Variants in MORC3 observed in about 807,000 individuals in gnomAD.
MORC3 encodes MORC family CW-type zinc finger protein 3.
Under a neutral mutation model 109.1 loss-of-function variants are expected in MORC3, and 31 were observed. The observed-to-expected ratio is 0.28, with a 90% confidence interval of 0.21 to 0.38. The LOEUF is 0.38. Among genes scored for constraint, MORC3 ranks in the 10% least tolerant of loss-of-function variants. MORC3 has a pLI of 1.00. For missense variants in MORC3, 867 were observed against 1,135.8 expected (o/e 0.76, Z 3.40); for synonymous variants, 395 against 380.7 (o/e 1.04, Z -0.44).
intron 15 of MORC3, among the ~76,000 whole-genome samples, chr21:36,370,245 A>T (rs1383464936): frequency 6.6e-6 from 1 of 152,110 alleles, no homozygotes; most frequent in Non-Finnish European, 1.5e-5. Flanking sequence ...GAATGCTTTC[A>T]CTTAAAAATA....
rs1439738351 is a variant in MORC3, at chr21:36,337,961, G to T, written c.460+15G>T. On this transcript the variant is annotated intron_variant, in intron 4 of 16. Coordinates refer to ENST00000400485, the MANE Select transcript of MORC3 (RefSeq NM_015358.3). ...CAACAAGCACCATATCCTTTTGGTT[G>T]TGAAATAAAAGCTGTGGAGAAACTG... The T allele has an allele frequency of 6.2e-7, 1 of 1,608,454 alleles. No individual in the cohort carries two copies. Among genetic ancestry groups the T allele is most frequent in the African/African-American group, 1.3e-5 (1 of 74,730 alleles).
chr21:36,375,218 A>G lies in MORC3; in HGVS notation c.2742A>G (p.Gln914=). The stretch of plus-strand genomic sequence containing the variant: ...TTGTGCCTGATCTTGATCTTCAGCA[A>G]GTGAATTACGATGTTGATGTAGTTG... ...AMIVPDLDLQ[Q]VNYDVDVVDE... is the part of the protein sequence containing the mutation. The change falls in exon 17 of 17, where the codon CAA becomes CAG. Residue 914 remains glutamine (Q), a synonymous_variant. Coordinates refer to ENST00000400485, the MANE Select transcript of MORC3 (RefSeq NM_015358.3). 2 of 1,613,960 alleles carry G rather than the reference A, an allele frequency of 1.2e-6. No homozygotes were observed. The highest frequency in any genetic ancestry group is 1.7e-6 in the Non-Finnish European group (2 of 1,179,862).
chr21:36,361,878 C>T, intron 12 of MORC3: 2 of 330,864 alleles, frequency 6.0e-6, no homozygotes, highest in Non-Finnish European at 5.5e-6. Context: ...GACTCCCTCT[C>T]AAAAGAAAAA....
chr21:36,375,109 G>C, intron 16 of MORC3, 34 bp from the exon 17 acceptor site: 2 of 1,578,422 alleles, frequency 1.3e-6, no homozygotes, highest in Non-Finnish European at 1.7e-6. Flanking sequence ...AACTTGTAAT[G>C]CTCATCTAAT....
chr21:36,374,991 T>A, intron 16 of MORC3, 152 bp from the exon 17 acceptor site: 2 of 692,192 alleles, frequency 2.9e-6, no homozygotes, highest in Non-Finnish European at 4.5e-6. Flanking sequence ...ATTATTAAAG[T>A]AAATTGAGTT....
intron 9 of MORC3, among the ~76,000 whole-genome samples, chr21:36,350,024 G>C (rs563729945): frequency 6.6e-6 from 1 of 152,188 alleles, no homozygotes; most frequent in African/African-American, 2.4e-5. Flanking sequence ...AAAAAAGTCA[G>C]CCAGGTGCAG....
At chr21:36,360,385 G>C (rs2085699688) in intron 12 of MORC3, 127 bp downstream of exon 12, 1 of 941,902 alleles carries the variant, frequency 1.1e-6, no homozygotes, top group Non-Finnish European at 1.6e-6. Context: ...AATGTGGAGT[G>C]CGTAATATCA....
In MORC3 at chr21:36,337,889, T is replaced by C; in HGVS notation, c.403T>C (p.Leu135=). The C allele has an allele frequency of 6.2e-7, 1 of 1,614,172 alleles. No individual in the cohort carries two copies. The highest frequency in any genetic ancestry group is 1.3e-5 in the African/African-American group (1 of 75,044). The part of the protein sequence containing the change: ...MSVGLLSQTY[L]EVIKAEHVVV... ...CGTGGGCCTTTTGTCTCAGACCTAC[T>C]TGGAAGTCATAAAAGCGGAGCATGT... is the stretch of plus-strand genomic sequence containing the variant. The change falls in exon 4 of 17, where the codon TTG becomes CTG. Residue 135 remains leucine, a synonymous_variant. Coordinates refer to ENST00000400485, the MANE Select transcript of MORC3 (RefSeq NM_015358.3).
At chr21:36,333,253 G>C (rs2085335775) in intron 1 of MORC3, among the ~76,000 whole-genome samples, 1 of 152,200 alleles carries the variant, frequency 6.6e-6, no homozygotes, top group South Asian at 2.1e-4. Flanking sequence ...ACACGTAGGA[G>C]AAAGTGCCTC....
At chr21:36,373,797 AAATT>A (rs2085898675) in intron 16 of MORC3, among the ~76,000 whole-genome samples, 1 of 152,226 alleles carries the variant, frequency 6.6e-6, no homozygotes, top group African/African-American at 2.4e-5. Context: ...ATCAGTATCT[AAATT>A]AAATATGGAC....
At position 36,364,208 on chromosome 21, in the gene MORC3, G is replaced by C. The variant is rs781335107; in HGVS notation, c.1568G>C (p.Arg523Thr). 6.2e-7 allele frequency: 1 copy of C among 1,614,148 alleles called. No individual in the cohort carries two copies. ...GAAGGAACAAATTCTTATGCGACAA[G>C]ACTTCTAAATAATCATCAAGTTCCA... ...LSEGTNSYATRLLNNHQVPPQ... is the reference protein window; with the variant it reads ...LSEGTNSYATTLLNNHQVPPQ... The change falls in exon 14 of 17, where the codon AGA becomes ACA. Residue 523 changes from arginine to threonine, a missense_variant. Coordinates refer to ENST00000400485, the MANE Select transcript of MORC3 (RefSeq NM_015358.3).
chr21:36,327,261 A>T (rs974376305), intron 1 of MORC3, among the ~76,000 whole-genome samples: 6 of 142,096 alleles, frequency 4.2e-5, no homozygotes, highest in Non-Finnish European at 8.9e-5. Context: ...TGTTCAAGCA[A>T]TTCTCCTGCC....
chr21:36,356,035 A>C (rs935820459), intron 9 of MORC3, among the ~76,000 whole-genome samples: 1 of 152,166 alleles, frequency 6.6e-6, no homozygotes, highest in Admixed American at 6.6e-5. Context: ...TTACATGGAG[A>C]TAAGCATGTC....
rs545219330 is a variant in MORC3, at chr21:36,320,748, C to T, written c.39+445C>T. The T allele has an allele frequency of 8.9e-5, 15 of 168,086 alleles. No individual in the cohort carries two copies. In the East Asian group the frequency reaches 1.5e-3, roughly 16 times the overall value. The allele number at this position is 168,086 out of a possible 1,614,324, so 10.4% of individuals were successfully genotyped here. A position where few individuals can be genotyped will look rare whatever the true frequency, so the allele number is the denominator to read the frequency against. On this transcript the variant is annotated intron_variant, in intron 1 of 16. Transcript: ENST00000400485. ...GGGGGCGGGGGGACGGGGCTGCGGG[C>T]CTGCCTGCGGGCGAGTGGAGTCAGG...
intron 6 of MORC3, among the ~76,000 whole-genome samples, chr21:36,344,336 A>G (rs900098393): frequency 2.0e-5 from 3 of 152,216 alleles, no homozygotes; most frequent in African/African-American, 7.2e-5. Context: ...AGTAATAAAT[A>G]TATCAGCATC....
At chr21:36,346,814 A>T (rs1257435634) in intron 8 of MORC3, among the ~76,000 whole-genome samples, 1 of 151,458 alleles carries the variant, frequency 6.6e-6, no homozygotes, top group African/African-American at 2.4e-5. Context: ...ATCTCAAACA[A>T]ACAAACAAAC....
chr21:36,364,004 T>TA (rs2085749153), intron 13 of MORC3, 89 bp from the exon 14 acceptor site: 1 of 1,375,896 alleles, frequency 7.3e-7, no homozygotes, highest in South Asian at 1.4e-5. Context: ...TCTTCTGGGA[T>TA]AAGGGGGAAG....
intron 1 of MORC3, 45 bp downstream of exon 1, chr21:36,320,348 G>C (rs755925808): frequency 7.2e-7 from 1 of 1,383,090 alleles, no homozygotes; most frequent in African/African-American, 1.5e-5. Flanking sequence ...CCAGGAGGGC[G>C]GGCGGGCAAG....
intron 9 of MORC3, among the ~76,000 whole-genome samples, chr21:36,351,931 A>C (rs923878931): frequency 6.6e-6 from 1 of 152,220 alleles, no homozygotes; most frequent in African/African-American, 2.4e-5. Flanking sequence ...GGTTTTATGA[A>C]GCCACATAGC....
Sources: gnomAD v4.1 joint callset for allele counts (sites outside exome capture counted in the v4.1 genomes callset) on GRCh38, gnomAD v4.1.1 for gene constraint, MANE v1.5 for transcripts, NCBI Gene and HGNC (gene_info 2026-07-23, HGNC 2026-07-21) for gene names.